The following ICA1L variants were observed in gnomAD, a reference collection of about 807,000 sequenced individuals.
ICA1L encodes islet cell autoantigen 1 like, also known as islet cell autoantigen 1-like protein.
A neutral mutation model predicts 61.3 loss-of-function variants in ICA1L; 50 were observed. The ratio of observed to expected loss-of-function variants is 0.82; its 90% CI spans 0.65 to 1.03. The LOEUF is 1.03. Among genes scored for constraint, ICA1L ranks in the 50% least tolerant of loss-of-function variants. The pLI is 0.00. For synonymous variants in ICA1L, 161 were observed against 191.3 expected (o/e 0.84, Z 1.31); for missense variants, 508 against 556.7 (o/e 0.91, Z 0.88).
chr2:202,777,705 G>C lies in ICA1L; in HGVS notation c.*1828C>G, dbSNP rs1167390382. The C allele has an allele frequency of 6.6e-6, 1 of 152,114 alleles. No individual in the cohort carries two copies. Among genetic ancestry groups the C allele is most frequent in the Non-Finnish European group, 1.5e-5 (1 of 68,046 alleles). 9.4% of individuals were successfully genotyped at this position (152,114 alleles called of 1,614,324 possible). ...TAGTTTTCTGGAGAGCCTGTGGGCAGTTACTATTGTAGATGGCTATGGATG... is the reference window on the plus strand; with the variant it reads ...TAGTTTTCTGGAGAGCCTGTGGGCACTTACTATTGTAGATGGCTATGGATG... On this transcript the variant is annotated 3_prime_UTR_variant, in exon 13 of 13. Coordinates refer to ENST00000358299, the MANE Select transcript of ICA1L (RefSeq NM_001288622.3).
intron 8 of ICA1L, among the ~76,000 whole-genome samples, chr2:202,814,062 A>G (rs1487719296): frequency 6.6e-6 from 1 of 152,210 alleles, no homozygotes; most frequent in African/African-American, 2.4e-5. Context: ...TAAAAAATGG[A>G]AAAAATTCGT....
intron 1 of ICA1L, chr2:202,840,753 A>C: frequency 5.1e-6 from 3 of 590,746 alleles, no homozygotes; most frequent in South Asian, 4.5e-5. Flanking sequence ...TTAACAGCCA[A>C]CTCCCCACAC....
In ICA1L at chr2:202,849,353, C is replaced by G. The variant is rs1309993885; in HGVS notation, c.-7-20337G>C. Among the ~76,000 whole-genome samples, 1 of 152,196 alleles carries G rather than the reference C, an allele frequency of 6.6e-6. No individual in the cohort carries two copies. Among genetic ancestry groups the G allele is most frequent in the African/African-American group, 2.4e-5 (1 of 41,456 alleles). On this transcript the variant is annotated intron_variant, in intron 1 of 12. Coordinates refer to ENST00000358299, the MANE Select transcript of ICA1L (RefSeq NM_001288622.3). This position sits in a 1 kb window ranked among gnomAD's most constrained non-coding sequence, Gnocchi z 4.5. The stretch of plus-strand genomic sequence containing the variant: ...GGTCTCGCTCAGTGGGTCCCACTCC[C>G]ACAGAGCCCAGCAAGCTAAGAACCA...
intron 1 of ICA1L, among the ~76,000 whole-genome samples, chr2:202,848,819 T>TA (rs1694535244): frequency 6.6e-6 from 1 of 152,092 alleles, no homozygotes; most frequent in Non-Finnish European, 1.5e-5. Flanking sequence ...AGTGGTCCCA[T>TA]AAAATTATAA....
At chr2:202,797,983 CT>C (rs1450183560) in intron 9 of ICA1L, among the ~76,000 whole-genome samples, 2 of 152,172 alleles carry the variant, frequency 1.3e-5, no homozygotes, top group East Asian at 1.9e-4. Context: ...CTCTCTACTT[CT>C]ATGAGTTCAA....
intron 9 of ICA1L, among the ~76,000 whole-genome samples, chr2:202,806,131 G>T (rs1693218590): frequency 6.6e-6 from 1 of 152,114 alleles, no homozygotes; most frequent in Non-Finnish European, 1.5e-5. Flanking sequence ...AGCCAAGGAA[G>T]TGCTTACATC....
intron 2 of ICA1L, among the ~76,000 whole-genome samples, chr2:202,827,655 C>T (rs936508180): frequency 6.6e-6 from 1 of 152,082 alleles, no homozygotes; most frequent in African/African-American, 2.4e-5. Flanking sequence ...CTTATATATT[C>T]CCACTTCTAT....
intron 12 of ICA1L, among the ~76,000 whole-genome samples, chr2:202,784,624 CAG>C (rs1692521712): frequency 6.6e-6 from 1 of 152,086 alleles, no homozygotes. Context: ...ATCTGTCAAA[CAG>C]AGTATTATTC....
intron 1 of ICA1L, among the ~76,000 whole-genome samples, chr2:202,859,823 C>G (rs1183110578): frequency 6.6e-6 from 1 of 152,028 alleles, no homozygotes; most frequent in East Asian, 1.9e-4. Context: ...CCTATAGAAC[C>G]CTGAAAACTT....
At chr2:202,861,101 G>A (rs903539380) in intron 1 of ICA1L, among the ~76,000 whole-genome samples, 31 of 150,974 alleles carry the variant, frequency 2.1e-4, no homozygotes, top group African/African-American at 7.1e-4. Context: ...GTGGTGGCGG[G>A]TGCCTGTAAT....
intron 2 of ICA1L, among the ~76,000 whole-genome samples, chr2:202,827,892 AT>A (rs1252848035): frequency 6.6e-6 from 1 of 152,178 alleles, no homozygotes; most frequent in Non-Finnish European, 1.5e-5. Flanking sequence ...TTAGACTCAT[AT>A]TTTTAAGAAT....
At chr2:202,832,437 A>C (rs1256117941) in intron 1 of ICA1L, among the ~76,000 whole-genome samples, 1 of 6,488 alleles carries the variant, frequency 1.5e-4, no homozygotes, top group African/African-American at 2.2e-4. Context: ...CTCCGTCACA[A>C]AAAAAAAAAA....
chr2:202,853,956 C>T (rs1694701013), intron 1 of ICA1L, among the ~76,000 whole-genome samples: 1 of 152,066 alleles, frequency 6.6e-6, no homozygotes, highest in Admixed American at 6.6e-5. Context: ...ATATAAAGAC[C>T]AATGATACTA....
intron 9 of ICA1L, among the ~76,000 whole-genome samples, chr2:202,801,876 G>A (rs1262844039): frequency 1.3e-5 from 2 of 152,188 alleles, no homozygotes; most frequent in African/African-American, 4.8e-5. Flanking sequence ...CTTGACTCTG[G>A]GAAGAAGCAG....
At chr2:202,863,216 C>T (rs774798095) in intron 1 of ICA1L, among the ~76,000 whole-genome samples, 5 of 151,888 alleles carry the variant, frequency 3.3e-5, no homozygotes, top group Non-Finnish European at 5.9e-5. Flanking sequence ...CAGTTGAACC[C>T]GGGAGGCGGA....
intron 10 of ICA1L, among the ~76,000 whole-genome samples, chr2:202,790,862 T>A (rs143306613): frequency 1.6e-3 from 245 of 152,234 alleles, no homozygotes; most frequent in African/African-American, 5.6e-3. Flanking sequence ...TATGCCATTG[T>A]CCCCACTCCC....
At chr2:202,841,330 G>A (rs1266786423) in intron 1 of ICA1L, 9 of 780,904 alleles carry the variant, frequency 1.2e-5, no homozygotes, top group Non-Finnish European at 1.8e-5. Flanking sequence ...AGAGTCTCCA[G>A]CTGCTGCTTA....
intron 1 of ICA1L, among the ~76,000 whole-genome samples, chr2:202,851,096 G>T (rs1177622920): frequency 6.6e-6 from 1 of 151,590 alleles, no homozygotes; most frequent in Non-Finnish European, 1.5e-5. Flanking sequence ...GTGCCATGTT[G>T]GTGTGCTGCA....
intron 1 of ICA1L, among the ~76,000 whole-genome samples, chr2:202,848,803 T>G (rs146009950): frequency 6.6e-6 from 1 of 152,308 alleles, no homozygotes; most frequent in East Asian, 1.9e-4. Flanking sequence ...GGACCATATA[T>G]ACAACAGTGG....
Sources: allele counts gnomAD v4.1 joint callset (sites outside exome capture counted in the v4.1 genomes callset), GRCh38; gene constraint gnomAD v4.1.1; non-coding constraint Gnocchi (gnomAD v3.1); transcripts MANE v1.5; gene names NCBI Gene and HGNC (gene_info 2026-07-23, HGNC 2026-07-21).